Variants in LARP4B observed in about 807,000 individuals in gnomAD.
The protein encoded by LARP4B is La ribonucleoprotein 4B, also known as la-related protein 4B.
LARP4B carries 12 observed loss-of-function variants against 89.8 expected under a neutral mutation model. That is an observed-to-expected ratio of 0.13 (90% confidence interval 0.09 to 0.22). The LOEUF (loss-of-function observed/expected upper bound fraction) is 0.22, where lower values mean the gene tolerates loss of function less well. Ranked by LOEUF, LARP4B falls within the 10% of genes least tolerant of loss-of-function variation. The probability of loss-of-function intolerance (pLI) is 1.00; values close to 1 mark genes in which losing one functional copy is unlikely to be tolerated. For synonymous variants in LARP4B, 367 were observed against 363.3 expected, an observed-to-expected ratio of 1.01 and a Z score of -0.12; for missense variants, 757 against 947.7, an observed-to-expected ratio of 0.80 and a Z score of 2.64.
intron 11 of LARP4B, among the ~76,000 whole-genome samples, chr10:828,960 C>T (rs143539523): frequency 2.6e-5 from 4 of 152,284 alleles, no homozygotes; most frequent in East Asian, 3.9e-4. Flanking sequence ...TTAATCCTGT[C>T]GACCAACTCT....
chr10:886,066 T>A (rs1835848081), intron 1 of LARP4B, among the ~76,000 whole-genome samples: 1 of 151,894 alleles, frequency 6.6e-6, no homozygotes, highest in African/African-American at 2.4e-5. Flanking sequence ...AAACAGAAAA[T>A]TGAAGGCTTA....
chr10:812,998 G>C lies in LARP4B; in HGVS notation c.2145C>G (p.Gly715=), dbSNP rs1044786569. 271 of 1,590,974 alleles carry C rather than the reference G, an allele frequency of 1.7e-4. 1 individual carries two copies. The highest frequency in any genetic ancestry group is 2.3e-4 in the Non-Finnish European group (267 of 1,174,474). The change falls in exon 18 of 18, where the codon GGC becomes GGG. Residue 715 remains glycine (G), a synonymous_variant. Transcript: ENST00000316157. ...TCCCCATGGCCGAGGGCGAGGGCCG[G>C]CCCCCCGCCGGCCGCCTCTGGTCTC... ...APRDQRRPAG[G]RPSPSAMGKR... is the part of the protein sequence containing the mutation.
At position 864,213 on chromosome 10, in the gene LARP4B, C is replaced by T. The variant is rs773582565; in HGVS notation, c.199G>A (p.Val67Met). ...NPNAEVWGAP[V>M]LHLEASSAAD... ...GCACTGCTTGCTTCCAGATGTAACA[C>T]AGGAGCCCCCCACACTTCTGCATTA... Residue 67 changes from valine to methionine, a missense_variant, in exon 4 of 18, where the codon GTG becomes ATG. Val to Met is a conservative substitution (Grantham distance 21). Around this residue, in one of 5 missense-constraint regions of LARP4B, gnomAD observed 175 missense variants for 187.0 expected, o/e 0.94. Transcript: ENST00000316157. The T allele has an allele frequency of 1.2e-6, 2 of 1,614,208 alleles. No individual in the cohort carries two copies. Among genetic ancestry groups the T allele is most frequent in the Non-Finnish European group, 8.5e-7 (1 of 1,180,028 alleles).
intron 1 of LARP4B, among the ~76,000 whole-genome samples, chr10:890,797 A>G (rs934398357): frequency 6.6e-6 from 1 of 152,190 alleles, no homozygotes; most frequent in Non-Finnish European, 1.5e-5. Flanking sequence ...GTAACACACG[A>G]GGGGAGTAGC....
chr10:823,418 G>C (rs1832458305), intron 13 of LARP4B, among the ~76,000 whole-genome samples: 1 of 152,180 alleles, frequency 6.6e-6, no homozygotes, highest in South Asian at 2.1e-4. Flanking sequence ...TATTGTTGAA[G>C]GGTATCCTGG....
chr10:934,519 A>T (rs1476779927), upstream of LARP4B, among the ~76,000 whole-genome samples: 1 of 152,056 alleles, frequency 6.6e-6, no homozygotes, highest in African/African-American at 2.4e-5. Context: ...AACTAAAACT[A>T]AAAGAATTCC....
At chr10:832,267 T>C (rs1052166059) in intron 8 of LARP4B, among the ~76,000 whole-genome samples, 1 of 152,174 alleles carries the variant, frequency 6.6e-6, no homozygotes, top group East Asian at 1.9e-4. Context: ...ATGGTCTCGA[T>C]CTCCTGACCT....
At chr10:867,253 G>A (rs536446266) in intron 3 of LARP4B, among the ~76,000 whole-genome samples, 4 of 152,238 alleles carry the variant, frequency 2.6e-5, no homozygotes, top group East Asian at 3.9e-4. Context: ...GATCTACCAC[G>A]TGCTGAGCAC....
chr10:908,913 T>C (rs1004721502), intron 1 of LARP4B, among the ~76,000 whole-genome samples: 6 of 152,090 alleles, frequency 3.9e-5, no homozygotes, highest in African/African-American at 1.4e-4. Context: ...TCTCCTCCTT[T>C]GGGGGACACC....
chr10:987,421 T>C, the LARP4B span: 1 of 152,158 alleles, frequency 6.6e-6, no homozygotes, highest in Admixed American at 6.6e-5. Flanking sequence ...TGAGAAGCAG[T>C]ATAGCTAATG....
intron 17 of LARP4B, among the ~76,000 whole-genome samples, chr10:813,465 C>A (rs1381322284): frequency 6.6e-6 from 1 of 152,224 alleles, no homozygotes; most frequent in East Asian, 1.9e-4. Context: ...TGACTCAACA[C>A]CATCCCTACC....
intron 1 of LARP4B, among the ~76,000 whole-genome samples, chr10:899,641 T>A (rs747076181): frequency 6.6e-6 from 1 of 152,228 alleles, no homozygotes; most frequent in Non-Finnish European, 1.5e-5. Context: ...GTTTGCTAAG[T>A]TACCTTCTAA....
At chr10:837,342 A>C (rs894647248) in intron 7 of LARP4B, among the ~76,000 whole-genome samples, 2 of 152,226 alleles carry the variant, frequency 1.3e-5, no homozygotes, top group African/African-American at 4.8e-5. Flanking sequence ...CTACATAAAG[A>C]CATATTCTGT....
intron 1 of LARP4B, among the ~76,000 whole-genome samples, chr10:902,771 A>C (rs1241877117): frequency 6.6e-6 from 1 of 151,852 alleles, no homozygotes; most frequent in Admixed American, 6.6e-5. Context: ...CAGTCTCCCA[A>C]GTACCTAGGA....
intron 5 of LARP4B, among the ~76,000 whole-genome samples, chr10:862,381 C>T (rs909777267): frequency 6.6e-6 from 1 of 151,700 alleles, no homozygotes; most frequent in Non-Finnish European, 1.5e-5. Flanking sequence ...CTGTGCCTTA[C>T]AGCATCGAGG....
At chr10:924,081 AT>A (rs907517772) in intron 1 of LARP4B, among the ~76,000 whole-genome samples, 17 of 150,480 alleles carry the variant, frequency 1.1e-4, no homozygotes, top group South Asian at 2.1e-4. Flanking sequence ...ACAAAAAAAA[AT>A]TTTTTTTTTA....
At chr10:863,329 TCTC>T (rs2131839465) in intron 5 of LARP4B, among the ~76,000 whole-genome samples, 1 of 151,830 alleles carries the variant, frequency 6.6e-6, no homozygotes, top group South Asian at 2.1e-4. Flanking sequence ...TTCACGCCAT[TCTC>T]CTGCCTCAGC....
intron 17 of LARP4B, among the ~76,000 whole-genome samples, chr10:813,723 G>C (rs1831863481): frequency 6.6e-6 from 1 of 151,880 alleles, no homozygotes; most frequent in African/African-American, 2.4e-5. Flanking sequence ...AAATCTTCAA[G>C]AAATGTGTAA....
intron 5 of LARP4B, among the ~76,000 whole-genome samples, chr10:855,366 A>G (rs1278708254): frequency 6.6e-6 from 1 of 152,178 alleles, no homozygotes; most frequent in African/African-American, 2.4e-5. Flanking sequence ...TTTTTGATTA[A>G]AAGTGAGATA....
Sources: gnomAD v4.1 joint callset for allele counts (sites outside exome capture counted in the v4.1 genomes callset) on GRCh38, gnomAD v4.1.1 for gene constraint, gnomAD v4.1.1 regional missense constraint, MANE v1.5 for transcripts, NCBI Gene and HGNC (gene_info 2026-07-23, HGNC 2026-07-21) for gene names.